MAGI2: variants seen among roughly 807,000 people sequenced by gnomAD.
The protein encoded by MAGI2 is membrane-associated guanylate kinase, WW and PDZ domain-containing protein 2.
Under a neutral mutation model 133.3 loss-of-function variants are expected in MAGI2, and 35 were observed. The ratio of observed to expected loss-of-function variants is 0.26; its 90% CI spans 0.20 to 0.35. The LOEUF (loss-of-function observed/expected upper bound fraction) is 0.35, where lower values mean the gene tolerates loss of function less well. Among genes scored for constraint, MAGI2 ranks in the 10% least tolerant of loss-of-function variants. The pLI, the probability that MAGI2 is intolerant of heterozygous loss-of-function variation, is 1.00. For synonymous variants in MAGI2, 729 were observed against 710.6 expected (o/e 1.03, Z -0.41); for missense variants, 1,636 against 1,863.4 (o/e 0.88, Z 2.25).
chr7:79,311,090 G>A (rs745350693), intron 1 of MAGI2, among the ~76,000 whole-genome samples: 1 of 151,574 alleles, frequency 6.6e-6, no homozygotes, highest in Non-Finnish European at 1.5e-5. Context: ...TATTTTCCTG[G>A]CCTCTCTCCA....
intron 1 of MAGI2, among the ~76,000 whole-genome samples, chr7:79,118,793 C>G (rs1449703044): frequency 6.6e-6 from 1 of 152,052 alleles, no homozygotes; most frequent in African/African-American, 2.4e-5. Flanking sequence ...CATGACTACT[C>G]CCCCAAGCAG....
intron 9 of MAGI2, among the ~76,000 whole-genome samples, chr7:78,312,379 G>A (rs798290): frequency 0.27 from 41,135 of 151,862 alleles, 5,809 homozygotes; most frequent in African/African-American, 0.32. Flanking sequence ...GAGTATAGGC[G>A]AACTGTAAAT....
rs139871455 is a variant in MAGI2 at position 78,435,094 on chromosome 7, T to C, written c.1045+54667A>G. ...TTGCCACCTGTGTCATCTTGGACAATTGATTTAACCTTTCTGTGCTTGAGA... is the reference window on the plus strand; with the variant it reads ...TTGCCACCTGTGTCATCTTGGACAACTGATTTAACCTTTCTGTGCTTGAGA... On this transcript the variant is annotated intron_variant, in intron 6 of 21. Coordinates refer to ENST00000354212, the MANE Select transcript of MAGI2 (RefSeq NM_012301.4). 2.6e-5 allele frequency among the ~76,000 whole-genome samples: 4 copies of C among 152,152 alleles called. No individual in the cohort carries two copies. In the East Asian group the frequency reaches 5.8e-4, roughly 22 times the overall value.
intron 2 of MAGI2, among the ~76,000 whole-genome samples, chr7:78,974,104 AATTCTAC>A (rs1207497072): frequency 6.6e-6 from 1 of 151,870 alleles, no homozygotes; most frequent in Non-Finnish European, 1.5e-5. Flanking sequence ...ATTTGAAATG[AATTCTAC>A]ATGTGTTTTT....
At chr7:78,052,427 G>T (rs779673026) in intron 21 of MAGI2, among the ~76,000 whole-genome samples, 1 of 152,144 alleles carries the variant, frequency 6.6e-6, no homozygotes, top group Non-Finnish European at 1.5e-5. Flanking sequence ...AGTGGAAGCC[G>T]CCTGAAGCCC....
chr7:79,244,946 T>C (rs1226025510), intron 1 of MAGI2, among the ~76,000 whole-genome samples: 1 of 152,196 alleles, frequency 6.6e-6, no homozygotes, highest in Non-Finnish European at 1.5e-5. Flanking sequence ...CAGGCAGTCC[T>C]GTTCCTCTAG....
chr7:78,190,164 A>T (rs1828068096), intron 12 of MAGI2, among the ~76,000 whole-genome samples: 1 of 152,016 alleles, frequency 6.6e-6, no homozygotes, highest in Non-Finnish European at 1.5e-5. Context: ...CTTACTACCT[A>T]TTTTTTTCTA....
chr7:78,859,526 T>C (rs970982172), intron 2 of MAGI2, among the ~76,000 whole-genome samples: 1 of 152,228 alleles, frequency 6.6e-6, no homozygotes, highest in African/African-American at 2.4e-5. Context: ...TATGAAATTC[T>C]GGGTTGAAAA....
chr7:78,302,621 C>A (rs6968356), intron 9 of MAGI2, among the ~76,000 whole-genome samples: 4,561 of 152,276 alleles, frequency 0.03, 219 homozygotes, highest in African/African-American at 0.097. Flanking sequence ...ATCCATCCAT[C>A]CACTCCCATT....
chr7:79,149,461 G>T (rs137889568), intron 1 of MAGI2, among the ~76,000 whole-genome samples: 202 of 151,992 alleles, frequency 1.3e-3, no homozygotes, highest in Non-Finnish European at 2.2e-3. Flanking sequence ...TCTTTCAAAG[G>T]GGATGAACCA....
intron 2 of MAGI2, among the ~76,000 whole-genome samples, chr7:78,746,351 G>C (rs866841045): frequency 7.2e-5 from 11 of 152,298 alleles, no homozygotes; most frequent in Non-Finnish European, 1.3e-4. Context: ...ATTTCCAGCT[G>C]TGAGATTTGA....
intron 9 of MAGI2, among the ~76,000 whole-genome samples, chr7:78,319,545 T>C (rs991464417): frequency 6.6e-6 from 1 of 152,076 alleles, no homozygotes; most frequent in Non-Finnish European, 1.5e-5. Context: ...CATAAAGAAA[T>C]AAAGGCAGAA....
intron 21 of MAGI2, among the ~76,000 whole-genome samples, chr7:78,027,444 A>G (rs1178027012): frequency 1.3e-5 from 2 of 152,118 alleles, no homozygotes; most frequent in African/African-American, 2.4e-5. Flanking sequence ...CCTGGCTAAC[A>G]TGGTAAAACC....
At chr7:78,724,157 G>A (rs1266805127) in intron 2 of MAGI2, among the ~76,000 whole-genome samples, 1 of 152,108 alleles carries the variant, frequency 6.6e-6, no homozygotes, top group Non-Finnish European at 1.5e-5. Context: ...GAAATGTATA[G>A]AAGAATGAAA....
intron 3 of MAGI2, among the ~76,000 whole-genome samples, chr7:78,625,604 A>G (rs192616145): frequency 6.6e-6 from 1 of 152,280 alleles, no homozygotes. Context: ...GTATATAGTA[A>G]TTTCCTAGGC....
rs1156868209 is a variant in MAGI2, at chr7:78,573,079, A to ACT, written c.539-51435_539-51434insAG. On this transcript the variant is annotated intron_variant, in intron 3 of 21. Transcript: ENST00000354212. ...TATATATATATATATATATATATACACACACACACACACACGGAGAGATAT... is the reference window on the plus strand; with the variant it reads ...TATATATATATATATATATATATACACTCACACACACACACACGGAGAGATAT... Among the ~76,000 whole-genome samples the ACT allele has an allele frequency of 8.2e-4, 81 of 98,228 alleles. 1 individual carries two copies. Among genetic ancestry groups the ACT allele is most frequent in the Non-Finnish European group, 1.3e-3 (67 of 51,056 alleles). The allele number at this position is 98,228 out of a possible 152,430, so 64.4% of individuals were successfully genotyped here. A position where few individuals can be genotyped will look rare whatever the true frequency, so the allele number is the denominator to read the frequency against.
intron 6 of MAGI2, among the ~76,000 whole-genome samples, chr7:78,462,184 C>T (rs1790131199): frequency 6.6e-6 from 1 of 152,124 alleles, no homozygotes; most frequent in African/African-American, 2.4e-5. Flanking sequence ...ATTGATTCTT[C>T]ATCTTCTCTC....
At chr7:79,452,887 G>T in intron 1 of MAGI2, 133 bp downstream of exon 1, 1 of 933,546 alleles carries the variant, frequency 1.1e-6, no homozygotes, top group Non-Finnish European at 1.6e-6. Flanking sequence ...CACTTGCACT[G>T]CGGGTGCTCT....
chr7:78,579,922 C>A (rs1802661038), intron 3 of MAGI2, among the ~76,000 whole-genome samples: 1 of 152,142 alleles, frequency 6.6e-6, no homozygotes, highest in East Asian at 1.9e-4. Flanking sequence ...CTGCAGCGAC[C>A]AACTGCTCGT....
Sources: allele counts gnomAD v4.1 joint callset (sites outside exome capture counted in the v4.1 genomes callset), GRCh38; gene constraint gnomAD v4.1.1; transcripts MANE v1.5; gene names NCBI Gene and HGNC (gene_info 2026-07-23, HGNC 2026-07-21).